NEXMIF: variants seen among roughly 807,000 people sequenced by gnomAD.
The protein encoded by NEXMIF is XLMR protein related to neurite extension.
Under a neutral mutation model 62.1 loss-of-function variants are expected in NEXMIF, and 8 were observed. That is an observed-to-expected ratio of 0.13 (90% CI 0.08 to 0.23). NEXMIF has a LOEUF of 0.23. NEXMIF is among the 10% of genes least tolerant of loss of function. NEXMIF has a pLI of 1.00. For synonymous variants in NEXMIF, 404 were observed against 416.6 expected (o/e 0.97, Z 0.37); for missense variants, 976 against 1,113.3 (o/e 0.88, Z 1.75).
At chrX:74,803,994 T>C (rs1403031678) in intron 1 of NEXMIF, among the ~76,000 whole-genome samples, 1 of 111,678 alleles carries the variant, frequency 9.0e-6, no homozygotes, top group Non-Finnish European at 1.9e-5. Flanking sequence ...TAATAGTAAG[T>C]ATACAGAAAA....
At chrX:74,847,030 C>T (rs919370691) in intron 1 of NEXMIF, among the ~76,000 whole-genome samples, 7 of 112,216 alleles carry the variant, frequency 6.2e-5, no homozygotes, top group Admixed American at 3.8e-4. Context: ...CTGTGCAGGA[C>T]CCAACCTGTA....
At chrX:74,780,508 A>G (rs1488379263) in intron 1 of NEXMIF, among the ~76,000 whole-genome samples, 1 of 108,200 alleles carries the variant, frequency 9.2e-6, no homozygotes, top group African/African-American at 3.4e-5. Flanking sequence ...TCCCGGGACT[A>G]CAGGCGTGTG....
At chrX:74,867,321 T>A (rs1216513177) in intron 1 of NEXMIF, among the ~76,000 whole-genome samples, 1 of 111,645 alleles carries the variant, frequency 9.0e-6, no homozygotes, top group Non-Finnish European at 1.9e-5. Context: ...CGTATAGCCA[T>A]GACAATCCTA....
rs1215456812 is a variant in NEXMIF, at chrX:74,738,141, T to C, written c.*1264A>G. 9.1e-6 allele frequency: 1 copy of C among 110,166 alleles called. No homozygotes were observed. Among genetic ancestry groups the C allele is most frequent in the Non-Finnish European group, 1.9e-5 (1 of 52,676 alleles). 9.1% of individuals were successfully genotyped at this position (110,166 alleles called of 1,213,427 possible). A position where few individuals can be genotyped will look rare whatever the true frequency, so the allele number is the denominator to read the frequency against. On this transcript the variant is annotated 3_prime_UTR_variant, in exon 4 of 4. Transcript: ENST00000055682. ...AATTTTTTTTAAAAAGTAGGGGGAG[T>C]ACTGAATAAAAAATGTGATTTAAAA...
At chrX:74,881,881 C>CA (rs2080665942) in intron 1 of NEXMIF, among the ~76,000 whole-genome samples, 1 of 111,637 alleles carries the variant, frequency 9.0e-6, no homozygotes. Flanking sequence ...TCCCTCTGAG[C>CA]AACAGGAAAG....
chrX:74,754,546 A>T (rs766200653), intron 1 of NEXMIF, among the ~76,000 whole-genome samples: 1 of 109,046 alleles, frequency 9.2e-6, no homozygotes, highest in African/African-American at 3.3e-5. Flanking sequence ...TGACCTTGTG[A>T]TCCACCCACC....
intron 1 of NEXMIF, among the ~76,000 whole-genome samples, chrX:74,763,301 CCT>C (rs1230306524): frequency 0.016 from 1,767 of 111,182 alleles, 19 homozygotes; most frequent in Non-Finnish European, 0.023. Flanking sequence ...ATTTCTGAGG[CCT>C]CTGTTCTGTT....
intron 1 of NEXMIF, among the ~76,000 whole-genome samples, chrX:74,830,318 A>G (rs1414107549): frequency 1.8e-5 from 2 of 111,704 alleles, no homozygotes; most frequent in African/African-American, 6.5e-5. Flanking sequence ...TCCTTTCTCC[A>G]TTGTATGTTC....
chrX:74,914,863 A>C (rs1353722264), intron 1 of NEXMIF, among the ~76,000 whole-genome samples: 1 of 112,538 alleles, frequency 8.9e-6, no homozygotes, highest in African/African-American at 3.2e-5. Flanking sequence ...CAGTAAAAAG[A>C]AATGAATTGT....
At position 74,741,947 on chromosome X, in the gene NEXMIF, C is replaced by T. The variant is rs189429174; in HGVS notation, c.2610G>A (p.Glu870=). ...DCVLTSSSDS[E]LQQSSHNFKM... is the part of the protein sequence containing the mutation. ...TGAAGTTATGAGATGACTGCTGCAGCTCAGAGTCAGAGGATGAGGTGAGCA... is the reference window on the plus strand; with the variant it reads ...TGAAGTTATGAGATGACTGCTGCAGTTCAGAGTCAGAGGATGAGGTGAGCA... Residue 870 remains glutamate (E), a synonymous_variant, in exon 3 of 4, where the codon GAG becomes GAA. Transcript: ENST00000055682. 1 of 1,210,071 alleles carries T rather than the reference C, an allele frequency of 8.3e-7. No homozygotes were observed. The highest frequency in any genetic ancestry group is 1.7e-5 in the African/African-American group (1 of 57,255).
At chrX:74,899,698 G>A (rs1204130542) in intron 1 of NEXMIF, among the ~76,000 whole-genome samples, 1 of 111,527 alleles carries the variant, frequency 9.0e-6, no homozygotes, top group Admixed American at 9.5e-5. Flanking sequence ...CCAAAATTCT[G>A]ATGACATTTT....
chrX:74,903,325 T>TACACACACAC (rs397897060), intron 1 of NEXMIF, among the ~76,000 whole-genome samples: 1,100 of 51,246 alleles, frequency 0.021, 103 homozygotes, highest in East Asian at 0.12. Context: ...TTCTCAGGCA[T>TACACACACAC]ACACACACAC....
intron 1 of NEXMIF, among the ~76,000 whole-genome samples, chrX:74,774,705 T>C (rs1032846900): frequency 4.5e-5 from 5 of 111,596 alleles, no homozygotes; most frequent in Non-Finnish European, 9.4e-5. Context: ...TTACATAGCC[T>C]CTTTCCTCTG....
chrX:74,826,640 T>C lies in NEXMIF; in HGVS notation c.-47-80943A>G, dbSNP rs761351271. ...TTGATACAATCCCCTTTGTCCTTTT[T>C]TCTTTTGTTGTCTGCACTTTTGGGG... On this transcript the variant is annotated intron_variant, in intron 1 of 3. Coordinates refer to ENST00000055682, the MANE Select transcript of NEXMIF (RefSeq NM_001008537.3). 4.5e-5 allele frequency among the ~76,000 whole-genome samples: 5 copies of C among 111,752 alleles called. No individual in the cohort carries two copies. In the South Asian group the frequency reaches 1.9e-3, roughly 42 times the overall value.
At chrX:74,874,423 G>C (rs1186849574) in intron 1 of NEXMIF, among the ~76,000 whole-genome samples, 3 of 110,090 alleles carry the variant, frequency 2.7e-5, no homozygotes, top group Non-Finnish European at 3.8e-5. Flanking sequence ...AAGTCAGGTA[G>C]CGTGATGCCT....
intron 1 of NEXMIF, among the ~76,000 whole-genome samples, chrX:74,785,817 G>C (rs1281867981): frequency 1.8e-5 from 2 of 112,148 alleles, no homozygotes; most frequent in Non-Finnish European, 3.8e-5. Flanking sequence ...AACGCCTAAA[G>C]GGCTGGCTTT....
chrX:74,847,273 C>T (rs955829870), intron 1 of NEXMIF, among the ~76,000 whole-genome samples: 1 of 112,140 alleles, frequency 8.9e-6, no homozygotes. Flanking sequence ...CTCTAGAACT[C>T]ATCACTGTTA....
chrX:74,904,205 T>G (rs1353200799), intron 1 of NEXMIF, among the ~76,000 whole-genome samples: 1 of 111,068 alleles, frequency 9.0e-6, no homozygotes, highest in Non-Finnish European at 1.9e-5. Context: ...GGTCACACCC[T>G]AGGCCATTTG....
At chrX:74,892,152 T>C (rs1194394515) in intron 1 of NEXMIF, among the ~76,000 whole-genome samples, 1 of 112,535 alleles carries the variant, frequency 8.9e-6, no homozygotes, top group Non-Finnish European at 1.9e-5. Context: ...TAAGCCTAAC[T>C]ATCATTGGAC....
Sources: allele counts gnomAD v4.1 joint callset (sites outside exome capture counted in the v4.1 genomes callset), GRCh38; gene constraint gnomAD v4.1.1; transcripts MANE v1.5; gene names NCBI Gene and HGNC (gene_info 2026-07-23, HGNC 2026-07-21).